MKLN1: variants seen among roughly 807,000 people sequenced by gnomAD.
MKLN1 encodes the protein muskelin 1.
Under a neutral mutation model 99.0 loss-of-function variants are expected in MKLN1, and 18 were observed. That is an observed-to-expected ratio of 0.18 (90% CI 0.13 to 0.27). The LOEUF (loss-of-function observed/expected upper bound fraction) is 0.27, where lower values mean the gene tolerates loss of function less well. Ranked by LOEUF, MKLN1 falls within the 10% of genes least tolerant of loss-of-function variation. The pLI is 1.00. For missense variants in MKLN1, 621 were observed against 875.9 expected (o/e 0.71, Z 3.67); for synonymous variants, 288 against 293.2 (o/e 0.98, Z 0.18).
At chr7:131,328,123 C>A in intron 1 of MKLN1, 126 bp downstream of exon 1, 1 of 1,177,622 alleles carries the variant, frequency 8.5e-7, no homozygotes, top group South Asian at 1.4e-5. Flanking sequence ...GACGTGCGGC[C>A]TCCGGAGTCT....
At chr7:131,460,190 GTTC>G (rs1481964982) in intron 12 of MKLN1, among the ~76,000 whole-genome samples, 1 of 151,974 alleles carries the variant, frequency 6.6e-6, no homozygotes, top group East Asian at 1.9e-4. Context: ...CCCAAGTTAT[GTTC>G]TTTTCTGTGA....
At chr7:131,237,335 T>C (rs1283089400) in intron 3 of MKLN1, among the ~76,000 whole-genome samples, 1 of 152,230 alleles carries the variant, frequency 6.6e-6, no homozygotes, top group Non-Finnish European at 1.5e-5. Flanking sequence ...CAGAACTTCC[T>C]GCTTTAGACT....
At chr7:131,417,956 T>C (rs1055144783) in intron 8 of MKLN1, among the ~76,000 whole-genome samples, 4 of 152,242 alleles carry the variant, frequency 2.6e-5, no homozygotes, top group Non-Finnish European at 5.9e-5. Flanking sequence ...GGAAAAGAAC[T>C]GTATTTATTT....
At chr7:131,386,584 C>T (rs561050267) in intron 2 of MKLN1, among the ~76,000 whole-genome samples, 4 of 152,026 alleles carry the variant, frequency 2.6e-5, no homozygotes, top group Admixed American at 6.6e-5. Context: ...TAATTGATCC[C>T]GTTTTATCCA....
At chr7:131,456,276 A>G (rs899613735) in intron 12 of MKLN1, among the ~76,000 whole-genome samples, 72 of 152,104 alleles carry the variant, frequency 4.7e-4, no homozygotes, top group African/African-American at 1.7e-3. Flanking sequence ...TGCAGTTCAC[A>G]TGATCAATAA....
intron 3 of MKLN1, among the ~76,000 whole-genome samples, chr7:131,222,752 C>T (rs1419007454): frequency 6.6e-6 from 1 of 151,516 alleles, no homozygotes; most frequent in Non-Finnish European, 1.5e-5. Flanking sequence ...TACAGTGGCT[C>T]ACGCCTGTAA....
intron 8 of MKLN1, among the ~76,000 whole-genome samples, chr7:131,416,754 G>C (rs1795028723): frequency 6.6e-6 from 1 of 151,756 alleles, no homozygotes; most frequent in Non-Finnish European, 1.5e-5. Context: ...AGCCAAAGGG[G>C]GAGGATCCCT....
At chr7:131,381,472 A>T (rs909907800) in intron 2 of MKLN1, among the ~76,000 whole-genome samples, 4 of 152,230 alleles carry the variant, frequency 2.6e-5, no homozygotes, top group Admixed American at 2.0e-4. Context: ...AAGGTCTCAA[A>T]ATATTGCCCC....
intron 1 of MKLN1, among the ~76,000 whole-genome samples, chr7:131,124,310 A>G (rs1253294616): frequency 6.6e-6 from 1 of 152,248 alleles, no homozygotes; most frequent in Admixed American, 6.5e-5. Flanking sequence ...TCACAGACAC[A>G]TATAGAAACC....
chr7:131,343,554 C>G lies in MKLN1; in HGVS notation c.98+15557C>G, dbSNP rs192568510. ...CTCTGCATAATTAACATTTATTCTC[C>G]TCATTATTTGTCAATGAATTCCCTT... is the stretch of plus-strand genomic sequence containing the variant. On this transcript the variant is annotated intron_variant, in intron 1 of 17. Coordinates refer to ENST00000352689, the MANE Select transcript of MKLN1 (RefSeq NM_013255.5). Among the ~76,000 whole-genome samples the G allele has an allele frequency of 1.2e-4, 18 of 152,234 alleles. No homozygotes were observed. The East Asian group carries it at 3.1e-3, about 26-fold the overall frequency.
chr7:131,170,368 A>G (rs1248908433), intron 2 of MKLN1, among the ~76,000 whole-genome samples: 1 of 152,202 alleles, frequency 6.6e-6, no homozygotes, highest in Non-Finnish European at 1.5e-5. Flanking sequence ...GATATGTTAT[A>G]TTGGCTGTTT....
At chr7:131,273,857 C>G (rs1036974661) in intron 3 of MKLN1, among the ~76,000 whole-genome samples, 4 of 152,086 alleles carry the variant, frequency 2.6e-5, no homozygotes, top group African/African-American at 4.8e-5. Context: ...GATCCTGCCT[C>G]GGCCTCTCAA....
At chr7:131,141,785 A>G (rs1473098824) in intron 1 of MKLN1, among the ~76,000 whole-genome samples, 1 of 152,062 alleles carries the variant, frequency 6.6e-6, no homozygotes, top group Non-Finnish European at 1.5e-5. Context: ...TTATCTCTTC[A>G]TAACACGCTT....
intron 3 of MKLN1, among the ~76,000 whole-genome samples, chr7:131,215,525 C>T (rs531603321): frequency 1.7e-4 from 26 of 151,808 alleles, no homozygotes; most frequent in African/African-American, 5.8e-4. Flanking sequence ...TTAGATTATC[C>T]GGGGATCTTG....
chr7:131,333,535 C>G (rs1232831332), intron 1 of MKLN1, among the ~76,000 whole-genome samples: 1 of 151,940 alleles, frequency 6.6e-6, no homozygotes. Flanking sequence ...TTTTGCTTTA[C>G]AGAAATTTTT....
intron 1 of MKLN1, among the ~76,000 whole-genome samples, chr7:131,117,514 A>G (rs1270330391): frequency 2.0e-5 from 3 of 152,334 alleles, no homozygotes; most frequent in Admixed American, 6.5e-5. Flanking sequence ...CAGCTGTTAA[A>G]AGTTTGAGAC....
chr7:131,136,683 A>G (rs1204436272), intron 1 of MKLN1, among the ~76,000 whole-genome samples: 1 of 152,234 alleles, frequency 6.6e-6, no homozygotes, highest in Non-Finnish European at 1.5e-5. Context: ...AGAACCAGCC[A>G]TAAAGTAACT....
intron 2 of MKLN1, among the ~76,000 whole-genome samples, chr7:131,177,355 G>T (rs375635619): frequency 7.0e-6 from 1 of 141,960 alleles, no homozygotes; most frequent in East Asian, 2.1e-4. Context: ...GTAGTCCCAG[G>T]TACTCAGGAG....
At chr7:131,428,939 C>A in intron 8 of MKLN1, 94 bp from the exon 9 acceptor site, 1 of 834,158 alleles carries the variant, frequency 1.2e-6, no homozygotes, top group Non-Finnish European at 1.9e-6. Flanking sequence ...TTAGATGTAG[C>A]TTCTTAAGTG....
Sources: gnomAD v4.1 joint callset for allele counts (sites outside exome capture counted in the v4.1 genomes callset) on GRCh38, gnomAD v4.1.1 for gene constraint, MANE v1.5 for transcripts, NCBI Gene and HGNC (gene_info 2026-07-23, HGNC 2026-07-21) for gene names.